The following RBM11 variants were observed in gnomAD, a reference collection of about 807,000 sequenced individuals.
RBM11 encodes RNA binding motif protein 11, also known as splicing regulator RBM11.
RBM11 carries 18 observed loss-of-function variants against 21.4 expected under a neutral mutation model. The ratio of observed to expected loss-of-function variants is 0.84; its 90% CI spans 0.58 to 1.25. The LOEUF is 1.25. Among genes scored for constraint, RBM11 ranks in the 50% most tolerant of loss-of-function variants. The pLI is 0.00. For synonymous variants in RBM11, 120 were observed against 116.3 expected, an observed-to-expected ratio of 1.03 and a Z score of -0.20; for missense variants, 294 against 331.9, an observed-to-expected ratio of 0.89 and a Z score of 0.89.
At chr21:14,216,758 G>T (rs1473462470) in intron 1 of RBM11, among the ~76,000 whole-genome samples, 1 of 151,874 alleles carries the variant, frequency 6.6e-6, no homozygotes, top group Admixed American at 6.6e-5. Context: ...GAGATGATTT[G>T]GCAGCCAACT....
At chr21:14,223,996 G>T (rs895905117) in intron 3 of RBM11, among the ~76,000 whole-genome samples, 1 of 152,028 alleles carries the variant, frequency 6.6e-6, no homozygotes, top group Non-Finnish European at 1.5e-5. Context: ...ACCATGAGCC[G>T]AAATACATCT....
intron 1 of RBM11, among the ~76,000 whole-genome samples, chr21:14,217,585 A>G (rs978565564): frequency 5.3e-5 from 8 of 152,142 alleles, no homozygotes; most frequent in African/African-American, 7.2e-5. Flanking sequence ...AAACTTTTTT[A>G]TTATTTGAAA....
rs1979208773 is a variant in RBM11 at position 14,227,502 on chromosome 21, C to CA, written c.*210dup. The CA allele has an allele frequency of 1.8e-6, 1 of 549,548 alleles. No individual in the cohort carries two copies. The highest frequency in any genetic ancestry group is 3.1e-6 in the Non-Finnish European group (1 of 325,442). The allele number at this position is 549,548 out of a possible 1,614,324, so 34.0% of individuals were successfully genotyped here. On this transcript the variant is annotated 3_prime_UTR_variant, in exon 5 of 5. Coordinates refer to ENST00000400577, the MANE Select transcript of RBM11 (RefSeq NM_144770.5). Reference sequence around the variant, plus strand: ...ATAATGTACCACTTTTTGTATTTGTCATGATATTTTTGACCCATTGGCAAC... The same window carrying CA: ...ATAATGTACCACTTTTTGTATTTGTCAATGATATTTTTGACCCATTGGCAAC...
At chr21:14,222,985 GA>G (rs1328380507) in intron 3 of RBM11, among the ~76,000 whole-genome samples, 2 of 152,160 alleles carry the variant, frequency 1.3e-5, no homozygotes, top group Non-Finnish European at 2.9e-5. Flanking sequence ...TACCAAGTGG[GA>G]AAAGGTATCT....
chr21:14,218,054 C>T (rs894317489), intron 1 of RBM11, among the ~76,000 whole-genome samples: 1 of 152,082 alleles, frequency 6.6e-6, no homozygotes, highest in Non-Finnish European at 1.5e-5. Flanking sequence ...AGTGGAGTTT[C>T]TCTTCCACTT....
Position 14,219,634 on chromosome 21 carries a change from C to T in RBM11, c.168C>T (p.Cys56=). The T allele has an allele frequency of 6.2e-7, 1 of 1,606,902 alleles. No individual in the cohort carries two copies. Among genetic ancestry groups the T allele is most frequent in the Middle Eastern group, 1.7e-4 (1 of 6,030 alleles). Reference sequence around the variant, plus strand: ...AGCCAAAGTCTTTTGGATTTGTCTGCTTTAAACACCCAGAATCGGTGTCTT... The same window carrying T: ...AGCCAAAGTCTTTTGGATTTGTCTGTTTTAAACACCCAGAATCGGTGTCTT... ...EGKPKSFGFV[C]FKHPESVSYA... The change falls in exon 2 of 5, where the codon TGC becomes TGT. Residue 56 remains cysteine, a synonymous_variant. Transcript: ENST00000400577.
At chr21:14,217,342 A>G (rs1159607496) in intron 1 of RBM11, among the ~76,000 whole-genome samples, 4 of 152,210 alleles carry the variant, frequency 2.6e-5, no homozygotes, top group African/African-American at 9.6e-5. Context: ...TAATAATACT[A>G]ACATCAAGAG....
At chr21:14,216,901 A>G (rs2020458656) in intron 1 of RBM11, among the ~76,000 whole-genome samples, 1 of 152,050 alleles carries the variant, frequency 6.6e-6, no homozygotes, top group Admixed American at 6.6e-5. Flanking sequence ...CACTTATCGT[A>G]TTGTCCTATA....
intron 4 of RBM11, among the ~76,000 whole-genome samples, chr21:14,225,076 T>C (rs1201481602): frequency 6.6e-6 from 1 of 151,460 alleles, no homozygotes; most frequent in Non-Finnish European, 1.5e-5. Flanking sequence ...AAGATTGTGC[T>C]CCAGCCTGGC....
chr21:14,222,222 A>G (rs1978729725), intron 3 of RBM11, among the ~76,000 whole-genome samples: 1 of 152,110 alleles, frequency 6.6e-6, no homozygotes, highest in South Asian at 2.1e-4. Flanking sequence ...TGATATAGAT[A>G]GAGATCTATA....
chr21:14,227,890 C>G lies in RBM11; in HGVS notation c.*597C>G, dbSNP rs1293481043. 1 of 152,272 alleles carries G rather than the reference C, an allele frequency of 6.6e-6. No homozygotes were observed. Among genetic ancestry groups the G allele is most frequent in the Non-Finnish European group, 1.5e-5 (1 of 68,162 alleles). The allele number at this position is 152,272 out of a possible 1,614,324, so 9.4% of individuals were successfully genotyped here. ...GGAAAGATAATTATCATGAAACCAA[C>G]TTTTGGATCATTCCCTTTTTATACA... is the stretch of plus-strand genomic sequence containing the variant. On this transcript the variant is annotated 3_prime_UTR_variant, in exon 5 of 5. Transcript: ENST00000400577.
At position 14,216,295 on chromosome 21, in the gene RBM11, G is replaced by A. The variant is rs1402238800; in HGVS notation, c.96+13G>A. The A allele has an allele frequency of 1.9e-6, 3 of 1,610,822 alleles. No individual in the cohort carries two copies. Among genetic ancestry groups the A allele is most frequent in the Non-Finnish European group, 2.5e-6 (3 of 1,178,124 alleles). On this transcript the variant is annotated intron_variant, in intron 1 of 4. Transcript: ENST00000400577. Reference sequence around the variant, plus strand: ...GCTGTTCCTTCAGGTACCGTCTCTGGGAAGGGGCGGCGGAGGGGCGGAGCA... The same window carrying A: ...GCTGTTCCTTCAGGTACCGTCTCTGAGAAGGGGCGGCGGAGGGGCGGAGCA...
At chr21:14,217,597 ATAT>A (rs1173894251) in intron 1 of RBM11, among the ~76,000 whole-genome samples, 5 of 152,234 alleles carry the variant, frequency 3.3e-5, no homozygotes, top group Admixed American at 2.0e-4. Context: ...TATTTGAAAA[ATAT>A]TATTGATTTT....
chr21:14,221,097 G>T lies in RBM11; in HGVS notation c.260G>T (p.Gly87Val). The T allele has an allele frequency of 1.3e-6, 2 of 1,570,552 alleles. No individual in the cohort carries two copies. The highest frequency in any genetic ancestry group is 1.7e-6 in the Non-Finnish European group (2 of 1,156,820). ...ACCTGTTACTCTGTTTCTTTCAAAGGGAGTTCTCGCTCTTCTGAACCAGCT... is the reference window on the plus strand; with the variant it reads ...ACCTGTTACTCTGTTTCTTTCAAAGTGAGTTCTCGCTCTTCTGAACCAGCT... ...GRPINVQYRF[G>V]SSRSSEPANQ... The change falls in exon 3 of 5, where the codon GGG becomes GTG. Residue 87 changes from glycine to valine, a missense_variant and splice_region_variant. Gly to Val is a moderately radical substitution (Grantham distance 109, BLOSUM62 -3). Transcript: ENST00000400577.
Position 14,227,211 on chromosome 21 carries a change from A to G in RBM11, c.764A>G (p.Asp255Gly), listed in dbSNP as rs1979176353. 6.2e-7 allele frequency: 1 copy of G among 1,613,972 alleles called. No individual in the cohort carries two copies. The highest frequency in any genetic ancestry group is 8.5e-7 in the Non-Finnish European group (1 of 1,179,918). Reference sequence around the variant, plus strand: ...CGAAAGAGACAAAAGCAAACAAGTGATAGTGATAGTAGCACAGACAACAAC... The same window carrying G: ...CGAAAGAGACAAAAGCAAACAAGTGGTAGTGATAGTAGCACAGACAACAAC... Reference protein sequence around the residue: ...NKRKRQKQTSDSDSSTDNNRG... With the variant: ...NKRKRQKQTSGSDSSTDNNRG... The change falls in exon 5 of 5, where the codon GAT (aspartate) becomes GGT (glycine). Residue 255 changes from aspartate (D) to glycine (G), a missense_variant. Asp to Gly is a moderately conservative substitution (Grantham distance 94). This residue lies in a region of RBM11 where 113 missense variants were observed against 167.3 expected (regional missense o/e 0.68). Transcript: ENST00000400577.
At position 14,227,491 on chromosome 21, in the gene RBM11, T is replaced by C. The variant is rs1979208097; in HGVS notation, c.*198T>C. Reference sequence around the variant, plus strand: ...CTAAAAATAGTATAATGTACCACTTTTTGTATTTGTCATGATATTTTTGAC... The same window carrying C: ...CTAAAAATAGTATAATGTACCACTTCTTGTATTTGTCATGATATTTTTGAC... On this transcript the variant is annotated 3_prime_UTR_variant, in exon 5 of 5. Transcript: ENST00000400577. 1 of 564,394 alleles carries C rather than the reference T, an allele frequency of 1.8e-6. No individual in the cohort carries two copies. The highest frequency in any genetic ancestry group is 3.0e-6 in the Non-Finnish European group (1 of 336,054). The allele number at this position is 564,394 out of a possible 1,614,324, so 35.0% of individuals were successfully genotyped here.
chr21:14,217,712 T>G (rs1978334313), intron 1 of RBM11, among the ~76,000 whole-genome samples: 2 of 152,080 alleles, frequency 1.3e-5, no homozygotes, highest in Admixed American at 6.5e-5. Flanking sequence ...CATTTAAAAC[T>G]TACTATATTA....
rs2020437889 is a variant in RBM11 at position 14,216,211 on chromosome 21, G to A, written c.25G>A (p.Asp9Asn). The part of the protein sequence containing the change: MFPAQEEA[D>N]RTVFVGNLEA... ...GATGTTCCCTGCTCAGGAGGAGGCCGACAGGACCGTGTTTGTTGGGAATTT... is the reference window on the plus strand; with the variant it reads ...GATGTTCCCTGCTCAGGAGGAGGCCAACAGGACCGTGTTTGTTGGGAATTT... Residue 9 changes from aspartate (D) to asparagine (N), a missense_variant, in exon 1 of 5, where the codon GAC becomes AAC. By Grantham distance (23) the Asp-to-Asn change is conservative (BLOSUM62 1). Transcript: ENST00000400577. The A allele has an allele frequency of 6.2e-7, 1 of 1,613,658 alleles. No homozygotes were observed. The highest frequency in any genetic ancestry group is 8.5e-7 in the Non-Finnish European group (1 of 1,179,794).
intron 2 of RBM11, among the ~76,000 whole-genome samples, chr21:14,220,206 G>A (rs1978547226): frequency 6.6e-6 from 1 of 152,166 alleles, no homozygotes; most frequent in South Asian, 2.1e-4. Flanking sequence ...GCAAAGTGGT[G>A]AAAGGCAACG....
Sources: gnomAD v4.1 joint callset for allele counts (sites outside exome capture counted in the v4.1 genomes callset) on GRCh38, gnomAD v4.1.1 for gene constraint, gnomAD v4.1.1 regional missense constraint, MANE v1.5 for transcripts, NCBI Gene and HGNC (gene_info 2026-07-23, HGNC 2026-07-21) for gene names.